Variants in SEMA3A observed in about 807,000 individuals in gnomAD.
SEMA3A encodes semaphorin-3A.
A neutral mutation model predicts 97.9 loss-of-function variants in SEMA3A; 29 were observed. The ratio of observed to expected loss-of-function variants is 0.30; its 90% CI spans 0.22 to 0.40. The LOEUF is 0.40. SEMA3A is among the 10% of genes least tolerant of loss of function. SEMA3A has a pLI of 1.00. For synonymous variants in SEMA3A, 321 were observed against 323.7 expected, an observed-to-expected ratio of 0.99 and a Z score of 0.09; for missense variants, 763 against 951.3, an observed-to-expected ratio of 0.80 and a Z score of 2.60.
intron 6 of SEMA3A, among the ~76,000 whole-genome samples, chr7:84,019,796 GTTT>G (rs1441399420): frequency 1.3e-5 from 2 of 151,892 alleles, no homozygotes; most frequent in Non-Finnish European, 2.9e-5. Context: ...AATTTCACAT[GTTT>G]TTAATATTTC....
chr7:84,196,336 C>T (rs1009640245), upstream of SEMA3A, among the ~76,000 whole-genome samples: 1 of 147,682 alleles, frequency 6.8e-6, no homozygotes, highest in Non-Finnish European at 1.5e-5. Flanking sequence ...GAAAGCACAG[C>T]GCTCGCTCGC....
intron 2 of SEMA3A, among the ~76,000 whole-genome samples, chr7:84,321,504 T>A (rs138138344): frequency 1.2e-3 from 177 of 152,278 alleles, no homozygotes; most frequent in African/African-American, 4.1e-3. Flanking sequence ...GCTCTGCAAC[T>A]AACCAGTTAT....
At chr7:84,315,697 G>A (rs1401127775) in intron 2 of SEMA3A, among the ~76,000 whole-genome samples, 1 of 152,048 alleles carries the variant, frequency 6.6e-6, no homozygotes, top group East Asian at 1.9e-4. Flanking sequence ...AAGAATTTCT[G>A]AGGAGGGGCA....
intron 4 of SEMA3A, among the ~76,000 whole-genome samples, chr7:84,092,508 C>T (rs1794632836): frequency 6.6e-6 from 1 of 152,108 alleles, no homozygotes; most frequent in African/African-American, 2.4e-5. Flanking sequence ...AAAATGTAAA[C>T]TTTAACATAA....
chr7:84,395,903 A>T (rs1803718750), intron 1 of SEMA3A, among the ~76,000 whole-genome samples: 1 of 152,300 alleles, frequency 6.6e-6, no homozygotes, highest in Non-Finnish European at 1.5e-5. Context: ...AAGAAAGGTA[A>T]AAAATGTATG....
At chr7:84,334,716 GC>G (rs1053808841) in intron 2 of SEMA3A, among the ~76,000 whole-genome samples, 22 of 127,324 alleles carry the variant, frequency 1.7e-4, no homozygotes, top group Admixed American at 1.8e-4. Flanking sequence ...CTTTCCACTT[GC>G]CCCCCTGCTT....
intron 12 of SEMA3A, among the ~76,000 whole-genome samples, chr7:83,994,606 G>T (rs577030565): frequency 1.4e-5 from 2 of 142,822 alleles, no homozygotes; most frequent in Non-Finnish European, 3.0e-5. Context: ...CTGCTGGGGG[G>T]TGCCTCCCAG....
At chr7:84,026,971 C>T (rs756268725) in intron 6 of SEMA3A, among the ~76,000 whole-genome samples, 2 of 151,908 alleles carry the variant, frequency 1.3e-5, no homozygotes, top group Admixed American at 6.6e-5. Context: ...ATAAAGCAAA[C>T]CTTCACGTGT....
chr7:84,068,606 A>T (rs1042201265), intron 4 of SEMA3A, among the ~76,000 whole-genome samples: 3 of 152,088 alleles, frequency 2.0e-5, no homozygotes, highest in African/African-American at 7.2e-5. Context: ...AATTATTGTT[A>T]TGAATATTAT....
intron 1 of SEMA3A, among the ~76,000 whole-genome samples, chr7:84,387,216 G>A (rs1803420345): frequency 6.6e-6 from 1 of 151,940 alleles, no homozygotes. Context: ...GTTTTCTGCT[G>A]TATTAAGAAT....
At position 84,445,739 on chromosome 7, in the gene SEMA3A, T is replaced by C. The variant is rs372335457; in HGVS notation, c.-246+46721A>G. 1.1e-4 allele frequency among the ~76,000 whole-genome samples: 16 copies of C among 151,666 alleles called. No homozygotes were observed. In the East Asian group the frequency reaches 2.1e-3, roughly 20 times the overall value. ...ATAATAGTGCTAAAGAGGAAATTTA[T>C]AGTTATAAATGCTTACCATAAAAAT... On this transcript the variant is annotated intron_variant, in intron 1 of 3. Transcript: ENST00000424555.
At chr7:84,168,614 T>G (rs912920433) in intron 1 of SEMA3A, among the ~76,000 whole-genome samples, 7 of 151,854 alleles carry the variant, frequency 4.6e-5, no homozygotes, top group African/African-American at 7.2e-5. Flanking sequence ...TAAAATAGCA[T>G]GTTTTATTCA....
intron 1 of SEMA3A, among the ~76,000 whole-genome samples, chr7:84,166,681 G>A (rs1406927901): frequency 4.0e-5 from 6 of 151,478 alleles, no homozygotes; most frequent in East Asian, 2.0e-4. Context: ...GATCAGCCTC[G>A]CCAAGATGGT....
intron 3 of SEMA3A, among the ~76,000 whole-genome samples, chr7:84,251,740 T>C (rs1435395699): frequency 6.6e-6 from 1 of 152,166 alleles, no homozygotes; most frequent in Non-Finnish European, 1.5e-5. Flanking sequence ...GAGTGACTGG[T>C]AGGATTTCCT....
At chr7:84,393,298 A>T (rs1235061455) in intron 1 of SEMA3A, among the ~76,000 whole-genome samples, 2 of 152,138 alleles carry the variant, frequency 1.3e-5, no homozygotes, top group African/African-American at 4.8e-5. Flanking sequence ...TTTATTGAAG[A>T]GTCTTTTTTC....
chr7:84,441,190 T>TA (rs892298216), intron 1 of SEMA3A, among the ~76,000 whole-genome samples: 8 of 150,108 alleles, frequency 5.3e-5, no homozygotes, highest in Middle Eastern at 3.4e-3. Flanking sequence ...AAAATAAAAA[T>TA]AAAAAAAACA....
At chr7:84,041,413 T>C (rs370881661) in intron 6 of SEMA3A, among the ~76,000 whole-genome samples, 3 of 152,132 alleles carry the variant, frequency 2.0e-5, no homozygotes, top group African/African-American at 7.2e-5. Context: ...ATAATGGCTG[T>C]GCATTATTTG....
intron 1 of SEMA3A, chr7:84,372,128 C>T (rs934571086): frequency 2.0e-5 from 3 of 152,040 alleles, no homozygotes; most frequent in African/African-American, 7.2e-5. Context: ...CTCACTTCTT[C>T]CCAAATTGGA....
At chr7:84,448,618 G>A (rs1173554957) in intron 1 of SEMA3A, among the ~76,000 whole-genome samples, 1 of 151,078 alleles carries the variant, frequency 6.6e-6, no homozygotes, top group Non-Finnish European at 1.5e-5. Context: ...GAAAGTCAAA[G>A]AATTATACAA....
Sources: allele counts gnomAD v4.1 joint callset (sites outside exome capture counted in the v4.1 genomes callset), GRCh38; gene constraint gnomAD v4.1.1; transcripts MANE v1.5; gene names NCBI Gene and HGNC (gene_info 2026-07-23, HGNC 2026-07-21).